CCDC7: variants seen among roughly 807,000 people sequenced by gnomAD.
CCDC7 encodes coiled-coil domain-containing protein 7.
Under a neutral mutation model 196.9 loss-of-function variants are expected in CCDC7, and 183 were observed. The observed-to-expected ratio is 0.93, with a 90% CI of 0.82 to 1.05. CCDC7 has a LOEUF of 1.05. Among genes scored for constraint, CCDC7 ranks in the 50% least tolerant of loss-of-function variants. The probability of loss-of-function intolerance (pLI) is 0.00; values close to 1 mark genes in which losing one functional copy is unlikely to be tolerated. For missense variants in CCDC7, 1,540 were observed against 1,482.2 expected (o/e 1.04, Z -0.64); for synonymous variants, 525 against 484.6 (o/e 1.08, Z -1.10).
chr10:32,770,577 A>G (rs2079020950), intron 28 of CCDC7, among the ~76,000 whole-genome samples: 1 of 152,166 alleles, frequency 6.6e-6, no homozygotes, highest in Admixed American at 6.6e-5. Context: ...GATGAGAAGA[A>G]TGTTTATTCT....
chr10:32,515,146 A>G (rs1427622451), intron 9 of CCDC7, among the ~76,000 whole-genome samples: 5 of 152,300 alleles, frequency 3.3e-5, no homozygotes, highest in South Asian at 4.1e-4. Context: ...TAAGATAGCA[A>G]TACTTCCCAA....
At chr10:32,706,370 A>G (rs988229973) in intron 24 of CCDC7, among the ~76,000 whole-genome samples, 4 of 152,138 alleles carry the variant, frequency 2.6e-5, no homozygotes, top group Non-Finnish European at 5.9e-5. Flanking sequence ...GAAAGCAGGA[A>G]AGATCTAAAA....
At chr10:32,760,059 C>T (rs1168039466) in intron 28 of CCDC7, among the ~76,000 whole-genome samples, 1 of 147,500 alleles carries the variant, frequency 6.8e-6, no homozygotes, top group Non-Finnish European at 1.5e-5. Context: ...CATCTCACAC[C>T]AGTTAGAATG....
chr10:32,588,967 T>TG (rs1436251886), intron 18 of CCDC7, among the ~76,000 whole-genome samples: 5 of 152,154 alleles, frequency 3.3e-5, no homozygotes, highest in Non-Finnish European at 7.3e-5. Flanking sequence ...GTAGGGTGAA[T>TG]GGGGTATCCA....
chr10:32,747,609 A>T (rs2075002096), intron 28 of CCDC7, among the ~76,000 whole-genome samples: 2 of 152,238 alleles, frequency 1.3e-5, no homozygotes, highest in South Asian at 2.1e-4. Flanking sequence ...TATGAAAAAA[A>T]TGCTTAACAT....
At chr10:32,651,655 G>A (rs1305557279) in intron 20 of CCDC7, among the ~76,000 whole-genome samples, 1 of 152,128 alleles carries the variant, frequency 6.6e-6, no homozygotes, top group African/African-American at 2.4e-5. Flanking sequence ...AGGGTAGGAA[G>A]TTTCTGTGTG....
At chr10:32,461,548 A>C (rs2035616456) in intron 3 of CCDC7, among the ~76,000 whole-genome samples, 1 of 151,288 alleles carries the variant, frequency 6.6e-6, no homozygotes, top group Non-Finnish European at 1.5e-5. Context: ...TTATATCTTG[A>C]TTTTCTAGAC....
intron 16 of CCDC7, among the ~76,000 whole-genome samples, chr10:32,581,392 C>G (rs923656337): frequency 1.3e-5 from 2 of 152,082 alleles, no homozygotes; most frequent in African/African-American, 4.8e-5. Context: ...CTTCTATAGT[C>G]ATCATTGCTG....
At chr10:32,524,642 G>T (rs1429023722) in intron 11 of CCDC7, among the ~76,000 whole-genome samples, 2 of 152,064 alleles carry the variant, frequency 1.3e-5, no homozygotes, top group Non-Finnish European at 2.9e-5. Flanking sequence ...GAATATTTTT[G>T]CCAGCTATAC....
chr10:32,574,200 T>G (rs958875290), intron 16 of CCDC7, among the ~76,000 whole-genome samples: 4 of 151,782 alleles, frequency 2.6e-5, no homozygotes, highest in Non-Finnish European at 5.9e-5. Context: ...TTCATTTTGT[T>G]TGCATCCTAG....
At chr10:32,756,401 C>T (rs541020469) in intron 28 of CCDC7, among the ~76,000 whole-genome samples, 6 of 152,352 alleles carry the variant, frequency 3.9e-5, no homozygotes, top group Admixed American at 6.5e-5. Context: ...AGACTAACAG[C>T]GGATCTCTCC....
intron 5 of CCDC7, 101 bp downstream of exon 6, chr10:32,463,150 A>G (rs1289330361): frequency 2.1e-6 from 3 of 1,436,274 alleles, no homozygotes; most frequent in African/African-American, 2.9e-5. Context: ...TCATTTTTGA[A>G]TAACTGTTGG....
intron 18 of CCDC7, among the ~76,000 whole-genome samples, chr10:32,603,502 T>C (rs746337080): frequency 2.7e-4 from 41 of 151,760 alleles, no homozygotes; most frequent in Non-Finnish European, 5.2e-4. Flanking sequence ...AGTTATATTT[T>C]TAGCTTTTTG....
intron 21 of CCDC7, among the ~76,000 whole-genome samples, chr10:32,666,147 G>T (rs1435423518): frequency 2.2e-5 from 3 of 138,352 alleles, no homozygotes; most frequent in African/African-American, 5.3e-5. Flanking sequence ...CATTGACAAA[G>T]AAGTTTCACC....
intron 28 of CCDC7, among the ~76,000 whole-genome samples, chr10:32,757,926 C>T (rs1360038977): frequency 6.6e-6 from 1 of 152,118 alleles, no homozygotes; most frequent in Non-Finnish European, 1.5e-5. Flanking sequence ...ATATCACTAC[C>T]AATCCCACAG....
At chr10:32,711,560 C>G (rs1432722911) in intron 24 of CCDC7, 60 bp from the exon 26 acceptor site, 11 of 1,046,320 alleles carry the variant, frequency 1.1e-5, no homozygotes, top group Admixed American at 2.7e-5. Flanking sequence ...AATTTGAACT[C>G]TAGGATTTCA....
In CCDC7 at chr10:32,828,467, G is replaced by GAA. The variant is rs1555179415; in HGVS notation, c.3268+3863_3268+3864insAA. ...AAGAAGAAGAAGAAGAAGAAGAAGA[G>GAA]GAAGAGGAAGAGGAAGAGGAAGAAG... On this transcript the variant is annotated intron_variant, in intron 32 of 41. Transcript: ENST00000639629. 4.3e-3 allele frequency among the ~76,000 whole-genome samples: 210 copies of GAA among 48,816 alleles called. 1 individual carries two copies. The highest frequency in any genetic ancestry group is 7.2e-3 in the African/African-American group (113 of 15,750). 32.0% of individuals were successfully genotyped at this position (48,816 alleles called of 152,430 possible). A position where few individuals can be genotyped will look rare whatever the true frequency, so the allele number is the denominator to read the frequency against.
chr10:32,622,058 C>G (rs1276715249), intron 18 of CCDC7, among the ~76,000 whole-genome samples: 1 of 152,198 alleles, frequency 6.6e-6, no homozygotes, highest in African/African-American at 2.4e-5. Context: ...CTCAATTTAT[C>G]TGTGTTTTAT....
chr10:32,521,779 G>T (rs1409994741), intron 11 of CCDC7, among the ~76,000 whole-genome samples: 3 of 152,138 alleles, frequency 2.0e-5, no homozygotes, highest in Non-Finnish European at 4.4e-5. Flanking sequence ...CCATGTTCCA[G>T]ATCTTAGAGA....
Sources: gnomAD v4.1 joint callset for allele counts (sites outside exome capture counted in the v4.1 genomes callset) on GRCh38, gnomAD v4.1.1 for gene constraint, MANE v1.5 for transcripts, NCBI Gene and HGNC (gene_info 2026-07-23, HGNC 2026-07-21) for gene names.